The following IL23R variants were observed in gnomAD, a reference collection of about 807,000 sequenced individuals.
The protein encoded by IL23R is interleukin-23 receptor.
IL23R carries 34 observed loss-of-function variants against 56.9 expected under a neutral mutation model. The observed-to-expected ratio is 0.60, with a 90% CI of 0.45 to 0.80. IL23R has a LOEUF of 0.80. IL23R is among the 30% of genes least tolerant of loss of function. The pLI, the probability that IL23R is intolerant of heterozygous loss-of-function variation, is 0.00. For missense variants in IL23R, 635 were observed against 730.0 expected (o/e 0.87, Z 1.50); for synonymous variants, 230 against 249.2 (o/e 0.92, Z 0.73).
At chr1:67,183,053 C>T in intron 4 of IL23R, 94 bp downstream of exon 4, 6 of 1,363,714 alleles carry the variant, frequency 4.4e-6, no homozygotes, top group Non-Finnish European at 6.2e-6. Flanking sequence ...CAGCCTCAAA[C>T]ATTAAATATA....
At chr1:67,169,724 C>G in intron 3 of IL23R, 86 bp downstream of exon 3, 1 of 1,219,548 alleles carries the variant, frequency 8.2e-7, no homozygotes, top group Non-Finnish European at 1.2e-6. Flanking sequence ...AAAATAGGGA[C>G]AAAATAATAT....
intron 2 of IL23R, 112 bp from the exon 3 acceptor site, chr1:67,169,230 T>C (rs2102555723): frequency 1.2e-6 from 1 of 814,710 alleles, no homozygotes; most frequent in Non-Finnish European, 2.0e-6. Context: ...CTGTTTTCAA[T>C]GGAATCATTT....
chr1:67,188,157 A>T (rs1378100774), intron 4 of IL23R, among the ~76,000 whole-genome samples: 1 of 152,266 alleles, frequency 6.6e-6, no homozygotes, highest in Non-Finnish European at 1.5e-5. Flanking sequence ...AACAGATGGC[A>T]TGATAATTCA....
At chr1:67,203,469 CT>C (rs1174749280) in intron 5 of IL23R, among the ~76,000 whole-genome samples, 1 of 152,022 alleles carries the variant, frequency 6.6e-6, no homozygotes, top group East Asian at 1.9e-4. Context: ...CCTTCTTCTC[CT>C]TCTTTCTCTT....
At position 67,206,974 on chromosome 1, in the gene IL23R, A is replaced by G. The variant is rs1558243635; in HGVS notation, c.717A>G (p.Ile239Met). The change falls in exon 6 of 11, where the codon ATA becomes ATG. Residue 239 changes from isoleucine (I) to methionine (M), a missense_variant. Physicochemically the swap from Ile to Met is conservative, Grantham distance 10. Transcript: ENST00000347310. ...ETINATVPKTIIYWDSQTTIE... is the reference protein window; with the variant it reads ...ETINATVPKTMIYWDSQTTIE... ...TAAATGCTACAGTGCCCAAGACCAT[A>G]ATTTATTGGGATAGTCAAACAACAA... is the stretch of plus-strand genomic sequence containing the variant. 1.1e-5 allele frequency: 18 copies of G among 1,610,528 alleles called. No homozygotes were observed. The South Asian group carries it at 1.5e-4, about 14-fold the overall frequency.
chr1:67,194,511 C>A (rs1333993190), intron 4 of IL23R, among the ~76,000 whole-genome samples: 1 of 152,124 alleles, frequency 6.6e-6, no homozygotes, highest in African/African-American at 2.4e-5. Flanking sequence ...ATAAAAATAA[C>A]CCTAAGGTGT....
At chr1:67,247,980 T>C (rs532559245) in intron 9 of IL23R, among the ~76,000 whole-genome samples, 4 of 152,320 alleles carry the variant, frequency 2.6e-5, no homozygotes, top group Non-Finnish European at 4.4e-5. Flanking sequence ...TGCTGAGACA[T>C]CTGCTTTTAG....
chr1:67,156,264 C>T (rs911130029), intron 1 of IL23R, among the ~76,000 whole-genome samples: 1 of 152,196 alleles, frequency 6.6e-6, no homozygotes, highest in African/African-American at 2.4e-5. Context: ...TCAGGAGGCA[C>T]AGGGGTCAGG....
intron 4 of IL23R, among the ~76,000 whole-genome samples, chr1:67,196,747 A>G (rs28464018): frequency 0.025 from 3,822 of 152,332 alleles, 57 homozygotes; most frequent in Middle Eastern, 0.041. Context: ...GGGAAAAAAG[A>G]TAACATAGGA....
At chr1:67,175,339 T>C (rs1183677499) in intron 3 of IL23R, among the ~76,000 whole-genome samples, 1 of 152,148 alleles carries the variant, frequency 6.6e-6, no homozygotes, top group East Asian at 1.9e-4. Context: ...GTGTTGGTGG[T>C]AAAATACATA....
intron 4 of IL23R, among the ~76,000 whole-genome samples, chr1:67,199,097 CAA>C (rs1286070236): frequency 1.3e-5 from 2 of 152,162 alleles, no homozygotes; most frequent in East Asian, 3.8e-4. Flanking sequence ...CAGAGACCCT[CAA>C]AATAGTGTGA....
At chr1:67,236,144 A>T (rs949226249) in intron 7 of IL23R, among the ~76,000 whole-genome samples, 7 of 152,212 alleles carry the variant, frequency 4.6e-5, no homozygotes, top group African/African-American at 1.7e-4. Context: ...CTTTATAACT[A>T]GACCAGGCTG....
chr1:67,229,567 T>C (rs1398994367), intron 7 of IL23R, among the ~76,000 whole-genome samples: 1 of 152,202 alleles, frequency 6.6e-6, no homozygotes, highest in Non-Finnish European at 1.5e-5. Flanking sequence ...AGGTTGGGGA[T>C]GGGTTGAAAA....
intron 7 of IL23R, among the ~76,000 whole-genome samples, chr1:67,229,701 T>G (rs1197955454): frequency 6.6e-6 from 1 of 152,206 alleles, no homozygotes; most frequent in Non-Finnish European, 1.5e-5. Flanking sequence ...ACTTTGGGCA[T>G]TCTAAGGATT....
intron 7 of IL23R, among the ~76,000 whole-genome samples, chr1:67,234,697 T>C (rs1341608670): frequency 7.0e-6 from 1 of 142,320 alleles, no homozygotes; most frequent in East Asian, 2.1e-4. Flanking sequence ...TTTAATGTAG[T>C]ATTTTTACTC....
At position 67,194,752 on chromosome 1, in the gene IL23R, G is replaced by T. The variant is rs546117912; in HGVS notation, c.492-5985G>T. Among the ~76,000 whole-genome samples, 16 of 152,230 alleles carry T rather than the reference G, an allele frequency of 1.1e-4. No individual in the cohort carries two copies. The East Asian group carries it at 3.1e-3, about 29-fold the overall frequency. On this transcript the variant is annotated intron_variant, in intron 4 of 10. Coordinates refer to ENST00000347310, the MANE Select transcript of IL23R (RefSeq NM_144701.3). ...TTTCTCTAACTGGAAAATATTCAAA[G>T]ATGTCCTACTTACCATTTACACATA...
intron 9 of IL23R, among the ~76,000 whole-genome samples, chr1:67,241,888 A>AT (rs921637548): frequency 6.6e-6 from 1 of 152,146 alleles, no homozygotes; most frequent in African/African-American, 2.4e-5. Context: ...CACTTAAGTG[A>AT]TTTTTTTCAT....
At chr1:67,180,835 C>G (rs1282087942) in intron 3 of IL23R, among the ~76,000 whole-genome samples, 1 of 152,154 alleles carries the variant, frequency 6.6e-6, no homozygotes, top group Non-Finnish European at 1.5e-5. Context: ...AATCTCTCAG[C>G]ATTTGCTTGT....
At chr1:67,139,858 G>T (rs766803173) in intron 1 of IL23R, among the ~76,000 whole-genome samples, 52 of 152,158 alleles carry the variant, frequency 3.4e-4, no homozygotes, top group Admixed American at 2.1e-3. Flanking sequence ...GCCTTTAAAA[G>T]GTTCTTGGGT....
Sources: gnomAD v4.1 joint callset for allele counts (sites outside exome capture counted in the v4.1 genomes callset) on GRCh38, gnomAD v4.1.1 for gene constraint, MANE v1.5 for transcripts, NCBI Gene and HGNC (gene_info 2026-07-23, HGNC 2026-07-21) for gene names.